The following GPM6A variants were observed in gnomAD, a reference collection of about 807,000 sequenced individuals.
GPM6A encodes the protein glycoprotein M6A.
A neutral mutation model predicts 32.1 loss-of-function variants in GPM6A; 7 were observed. That is an observed-to-expected ratio of 0.22 (90% CI 0.12 to 0.41). The LOEUF (loss-of-function observed/expected upper bound fraction) is 0.41, where lower values mean the gene tolerates loss of function less well. Ranked by LOEUF, GPM6A falls within the 10% of genes least tolerant of loss-of-function variation. GPM6A has a pLI of 1.00. For synonymous variants in GPM6A, 130 were observed against 123.4 expected (o/e 1.05, Z -0.35); for missense variants, 235 against 347.2 (o/e 0.68, Z 2.57).
intron 1 of GPM6A, among the ~76,000 whole-genome samples, chr4:175,805,447 G>A: frequency 6.6e-6 from 1 of 152,098 alleles, no homozygotes; most frequent in East Asian, 1.9e-4. Context: ...ACTTTTACTT[G>A]ATAACCAAGA....
At chr4:175,922,569 T>A (rs530167588) in intron 1 of GPM6A, among the ~76,000 whole-genome samples, 1 of 152,142 alleles carries the variant, frequency 6.6e-6, no homozygotes, top group South Asian at 2.1e-4. Context: ...AAAGAAGAAA[T>A]CTGATATTGG....
chr4:175,772,953 C>T (rs986511486), intron 1 of GPM6A, among the ~76,000 whole-genome samples: 1 of 152,174 alleles, frequency 6.6e-6, no homozygotes, highest in African/African-American at 2.4e-5. Flanking sequence ...CAATAATTCA[C>T]CTTAGGTCTT....
chr4:175,775,302 A>G (rs1733349917), intron 1 of GPM6A, among the ~76,000 whole-genome samples: 1 of 152,134 alleles, frequency 6.6e-6, no homozygotes, highest in Admixed American at 6.5e-5. Flanking sequence ...TCTGATGAAG[A>G]TCCCAGATAT....
intron 1 of GPM6A, chr4:175,970,730 T>G (rs1027843809): frequency 2.6e-6 from 1 of 383,124 alleles, no homozygotes; most frequent in Admixed American, 3.4e-5. Flanking sequence ...AAACTTCTTA[T>G]GTTGAAATAA....
At chr4:175,915,135 A>C (rs1738450787) in intron 1 of GPM6A, among the ~76,000 whole-genome samples, 1 of 152,238 alleles carries the variant, frequency 6.6e-6, no homozygotes, top group South Asian at 2.1e-4. Flanking sequence ...AGTTATGAAA[A>C]TCAAATGTTA....
intron 1 of GPM6A, among the ~76,000 whole-genome samples, chr4:175,954,774 G>A (rs900848231): frequency 1.3e-5 from 2 of 152,164 alleles, no homozygotes; most frequent in African/African-American, 4.8e-5. Flanking sequence ...ACATGATTTG[G>A]ACTTGGAGTA....
chr4:175,906,040 G>T (rs573400024), intron 1 of GPM6A, among the ~76,000 whole-genome samples: 20 of 152,148 alleles, frequency 1.3e-4, no homozygotes, highest in African/African-American at 4.8e-4. Context: ...TTGCAGAATG[G>T]TTTCAATAAG....
At chr4:175,882,570 C>G (rs1303577019) in intron 1 of GPM6A, among the ~76,000 whole-genome samples, 1 of 151,876 alleles carries the variant, frequency 6.6e-6, no homozygotes, top group Non-Finnish European at 1.5e-5. Flanking sequence ...GTTTAACTTT[C>G]CCTTTATTTA....
intron 1 of GPM6A, among the ~76,000 whole-genome samples, chr4:175,879,797 T>C (rs1737210780): frequency 6.6e-6 from 1 of 152,168 alleles, no homozygotes; most frequent in African/African-American, 2.4e-5. Context: ...AGTATATTAT[T>C]TGGTTAGAAA....
In GPM6A at chr4:175,673,827, G is replaced by A. The variant is rs1743216326; in HGVS notation, c.240C>T (p.Ile80=). 2.5e-6 allele frequency: 4 copies of A among 1,596,946 alleles called. No individual in the cohort carries two copies. Among genetic ancestry groups the A allele is most frequent in the East Asian group, 2.2e-5 (1 of 44,746 alleles). Residue 80 remains isoleucine (I), a synonymous_variant, in exon 3 of 7, where the codon ATC becomes ATT. Coordinates refer to ENST00000393658, the MANE Select transcript of GPM6A (RefSeq NM_201591.3). Reference sequence around the variant, plus strand: ...CGATGCCGTAGATCACATACTTAAAGATGTCAATCCTGAGAGAAAAGACAA... The same window carrying A: ...CGATGCCGTAGATCACATACTTAAAAATGTCAATCCTGAGAGAAAAGACAA... ...DTLDVFTMID[I]FKYVIYGIAA...
chr4:175,650,978 A>C (rs1426177419), intron 4 of GPM6A, among the ~76,000 whole-genome samples: 1 of 152,178 alleles, frequency 6.6e-6, no homozygotes, highest in Non-Finnish European at 1.5e-5. Flanking sequence ...ATAGAATCTC[A>C]AATAGGCTGA....
chr4:175,826,408 C>T (rs982876904), intron 1 of GPM6A, among the ~76,000 whole-genome samples: 8 of 152,086 alleles, frequency 5.3e-5, no homozygotes, highest in Non-Finnish European at 1.0e-4. Flanking sequence ...AAAGCTATCA[C>T]ACTTTCCATT....
At chr4:175,898,023 T>G (rs1190142720) in intron 1 of GPM6A, among the ~76,000 whole-genome samples, 1 of 152,144 alleles carries the variant, frequency 6.6e-6, no homozygotes, top group East Asian at 1.9e-4. Context: ...AAGATAACAA[T>G]ACCTTAAATC....
intron 1 of GPM6A, among the ~76,000 whole-genome samples, chr4:175,996,854 C>T (rs1303985589): frequency 6.6e-6 from 1 of 152,172 alleles, no homozygotes; most frequent in Non-Finnish European, 1.5e-5. Flanking sequence ...CTCAATTTCT[C>T]CTTTCCTCGT....
chr4:175,834,046 CAG>C lies in GPM6A; in HGVS notation c.-22-21799_-22-21798del, dbSNP rs371938369. ...TTTGTGTAGCTACCCTACTAGATATCAGAGAGACTGACACCTGCAGTGACTTC... is the reference window on the plus strand; with the variant it reads ...TTTGTGTAGCTACCCTACTAGATATCAGAGACTGACACCTGCAGTGACTTC... On this transcript the variant is annotated intron_variant, in intron 1 of 7. Coordinates refer to the GPM6A transcript ENST00000280187. Among the ~76,000 whole-genome samples the C allele has an allele frequency of 9.9e-5, 15 of 152,190 alleles. 1 individual carries two copies. In the South Asian group the frequency reaches 1.7e-3, roughly 17 times the overall value.
chr4:175,722,311 C>T (rs1205474669), intron 1 of GPM6A, among the ~76,000 whole-genome samples: 1 of 151,804 alleles, frequency 6.6e-6, no homozygotes, highest in Non-Finnish European at 1.5e-5. Flanking sequence ...AACAGACCAC[C>T]GAAGAGAAAA....
chr4:175,820,648 C>A (rs10032978), intron 1 of GPM6A, among the ~76,000 whole-genome samples: 1 of 151,366 alleles, frequency 6.6e-6, no homozygotes, highest in Non-Finnish European at 1.5e-5. Context: ...TACAGGCATG[C>A]GCCACCACGC....
At chr4:175,856,987 G>A (rs190982011) in intron 1 of GPM6A, among the ~76,000 whole-genome samples, 2 of 152,218 alleles carry the variant, frequency 1.3e-5, no homozygotes, top group East Asian at 3.9e-4. Flanking sequence ...CCAGGCTTGT[G>A]GGTGGAGCCC....
At chr4:175,798,874 A>C (rs1734344159) in intron 1 of GPM6A, among the ~76,000 whole-genome samples, 2 of 152,222 alleles carry the variant, frequency 1.3e-5, no homozygotes, top group African/African-American at 4.8e-5. Flanking sequence ...AGGGAAATGT[A>C]AAATGCATTT....
Sources: allele counts gnomAD v4.1 joint callset (sites outside exome capture counted in the v4.1 genomes callset), GRCh38; gene constraint gnomAD v4.1.1; transcripts MANE v1.5; gene names NCBI Gene and HGNC (gene_info 2026-07-23, HGNC 2026-07-21).